The following NTM variants were observed in gnomAD, a reference collection of about 807,000 sequenced individuals.
NTM encodes the protein IgLON family member 2.
NTM carries 13 observed loss-of-function variants against 42.1 expected under a neutral mutation model. That is an observed-to-expected ratio of 0.31 (90% CI 0.20 to 0.49). The LOEUF is 0.49. Ranked by LOEUF, NTM falls within the 20% of genes least tolerant of loss-of-function variation. The probability of loss-of-function intolerance (pLI) is 0.99; values close to 1 mark genes in which losing one functional copy is unlikely to be tolerated. For synonymous variants in NTM, 187 were observed against 179.2 expected (o/e 1.04, Z -0.35); for missense variants, 373 against 452.8 (o/e 0.82, Z 1.60).
At chr11:132,155,736 TCTTCCTACTCTGAGAA>T (rs2073043947) in intron 3 of NTM, among the ~76,000 whole-genome samples, 1 of 152,268 alleles carries the variant, frequency 6.6e-6, no homozygotes, top group Non-Finnish European at 1.5e-5. Flanking sequence ...CCAAGCCATT[TCTTCCTACTCTGAGAA>T]AGAAAGATGA....
At chr11:131,845,687 TA>T (rs1014466754) in intron 1 of NTM, among the ~76,000 whole-genome samples, 265 of 148,068 alleles carry the variant, frequency 1.8e-3, no homozygotes, top group African/African-American at 5.6e-3. Flanking sequence ...TTCCTGTCAT[TA>T]AAAAAAAAAT....
At chr11:131,708,749 T>G (rs1446726330) in intron 1 of NTM, among the ~76,000 whole-genome samples, 1 of 152,170 alleles carries the variant, frequency 6.6e-6, no homozygotes, top group Non-Finnish European at 1.5e-5. Flanking sequence ...GCATAAATCC[T>G]GAAATACCAA....
intron 3 of NTM, among the ~76,000 whole-genome samples, chr11:132,188,468 C>T (rs73038263): frequency 0.032 from 4,799 of 152,238 alleles, 81 homozygotes; most frequent in South Asian, 0.044. Flanking sequence ...CTTCCCAGCT[C>T]ACATCTTCAG....
At chr11:132,191,444 G>A (rs142763576) in intron 3 of NTM, among the ~76,000 whole-genome samples, 528 of 152,314 alleles carry the variant, frequency 3.5e-3, no homozygotes, top group African/African-American at 0.011. Context: ...AACACCTCTG[G>A]AAATGAAGCC....
At chr11:131,910,687 G>A in intron 1 of NTM, 1 of 284,626 alleles carries the variant, frequency 3.5e-6, no homozygotes, top group Non-Finnish European at 5.3e-6. Context: ...CGCGGCTCCG[G>A]TGCGGGCTGC....
At chr11:131,401,836 A>ATATATGTGTG (rs1945251237) in intron 1 of NTM, among the ~76,000 whole-genome samples, 1 of 87,136 alleles carries the variant, frequency 1.1e-5, no homozygotes, top group African/African-American at 4.1e-5. Context: ...ATATATATAT[A>ATATATGTGTG]TATATATATA....
chr11:132,287,024 A>G (rs1284296236), intron 4 of NTM, among the ~76,000 whole-genome samples: 11 of 152,120 alleles, frequency 7.2e-5, no homozygotes. Context: ...TCTCCTTTAA[A>G]TTCCTCCTTA....
chr11:131,529,980 G>A (rs2051019878), intron 1 of NTM, among the ~76,000 whole-genome samples: 1 of 152,116 alleles, frequency 6.6e-6, no homozygotes, highest in East Asian at 1.9e-4. Flanking sequence ...GTGTACAAGT[G>A]CCTTCTAGAA....
chr11:132,222,548 C>G (rs888113061), intron 4 of NTM, among the ~76,000 whole-genome samples: 9 of 152,232 alleles, frequency 5.9e-5, no homozygotes, highest in Non-Finnish European at 1.2e-4. Context: ...TCTCCAGAAC[C>G]AGGACAGTTG....
chr11:131,605,475 T>G (rs1176954537), intron 1 of NTM, among the ~76,000 whole-genome samples: 1 of 152,244 alleles, frequency 6.6e-6, no homozygotes, highest in Non-Finnish European at 1.5e-5. Context: ...GAATCTTCTC[T>G]GTATGGGATT....
intron 1 of NTM, among the ~76,000 whole-genome samples, chr11:131,668,143 A>T (rs1437520740): frequency 6.6e-6 from 1 of 152,140 alleles, no homozygotes; most frequent in African/African-American, 2.4e-5. Context: ...TGCCAATGGA[A>T]CACGAGCCTG....
chr11:132,111,063 C>CAAAAAA (rs57458373), intron 2 of NTM, among the ~76,000 whole-genome samples: 8 of 35,466 alleles, frequency 2.3e-4, no homozygotes, highest in East Asian at 1.8e-3. Context: ...GGCCCTATCT[C>CAAAAAA]AAAAAAAAAA....
At chr11:131,401,812 A>ATATATATATATATATATATGTG (rs1945185680) in intron 1 of NTM, among the ~76,000 whole-genome samples, 13 of 21,614 alleles carry the variant, frequency 6.0e-4, no homozygotes, top group African/African-American at 1.1e-3. Flanking sequence ...ATATATATAT[A>ATATATATATATATATATATGTG]TATATATATA....
intron 1 of NTM, among the ~76,000 whole-genome samples, chr11:131,611,582 A>G (rs2061470686): frequency 6.6e-6 from 1 of 152,188 alleles, no homozygotes; most frequent in African/African-American, 2.4e-5. Flanking sequence ...AGAAAGACAA[A>G]AGATTTTTAA....
intron 4 of NTM, among the ~76,000 whole-genome samples, chr11:132,224,190 C>G (rs1030662314): frequency 4.6e-5 from 7 of 152,224 alleles, no homozygotes; most frequent in African/African-American, 1.7e-4. Context: ...CATGCCAAAA[C>G]AGACAACTCA....
At chr11:132,305,151 G>A (rs904410880) in intron 4 of NTM, among the ~76,000 whole-genome samples, 1 of 152,200 alleles carries the variant, frequency 6.6e-6, no homozygotes, top group Non-Finnish European at 1.5e-5. Flanking sequence ...GCCTCCAACA[G>A]GCCTTTCCAT....
chr11:131,465,952 G>A (rs898716398), intron 1 of NTM, among the ~76,000 whole-genome samples: 3 of 152,250 alleles, frequency 2.0e-5, no homozygotes, highest in Non-Finnish European at 4.4e-5. Flanking sequence ...GACCACAAGG[G>A]GGCATGGCCC....
chr11:131,433,098 C>T (rs1457700735), intron 1 of NTM, among the ~76,000 whole-genome samples: 1 of 151,870 alleles, frequency 6.6e-6, no homozygotes, highest in Middle Eastern at 3.2e-3. Context: ...ACCTCGTGAT[C>T]CCCCCGTCTC....
chr11:131,764,758 G>A (rs2084840055), intron 1 of NTM, among the ~76,000 whole-genome samples: 1 of 152,126 alleles, frequency 6.6e-6, no homozygotes, highest in South Asian at 2.1e-4. Flanking sequence ...AGATTAATGG[G>A]AGAACATGAC....
Sources: allele counts gnomAD v4.1 joint callset (sites outside exome capture counted in the v4.1 genomes callset), GRCh38; gene constraint gnomAD v4.1.1; transcripts MANE v1.5; gene names NCBI Gene and HGNC (gene_info 2026-07-23, HGNC 2026-07-21).